The following PCSK5 variants were observed in gnomAD, a reference collection of about 807,000 sequenced individuals.
The protein encoded by PCSK5 is prohormone convertase 5.
Under a neutral mutation model 233.2 loss-of-function variants are expected in PCSK5, and 129 were observed. The ratio of observed to expected loss-of-function variants is 0.55; its 90% CI spans 0.48 to 0.64. PCSK5 has a LOEUF of 0.64. PCSK5 is among the 30% of genes least tolerant of loss of function. The pLI is 0.00. For missense variants in PCSK5, 2,076 were observed against 2,430.1 expected, an observed-to-expected ratio of 0.85 and a Z score of 3.06; for synonymous variants, 825 against 879.2, an observed-to-expected ratio of 0.94 and a Z score of 1.09.
chr9:76,309,017 A>G (rs966005238), intron 29 of PCSK5, among the ~76,000 whole-genome samples: 3 of 152,166 alleles, frequency 2.0e-5, no homozygotes, highest in Non-Finnish European at 4.4e-5. Flanking sequence ...CAGGAGTTTG[A>G]GATCAGCCTG....
chr9:76,281,562 A>G (rs780988503), intron 24 of PCSK5, among the ~76,000 whole-genome samples: 2 of 152,340 alleles, frequency 1.3e-5, no homozygotes, highest in African/African-American at 4.8e-5. Flanking sequence ...AAGAGTTCCA[A>G]TGGAGATGTG....
chr9:76,269,317 A>C (rs1037651430), intron 24 of PCSK5, among the ~76,000 whole-genome samples: 20 of 152,206 alleles, frequency 1.3e-4, no homozygotes, highest in African/African-American at 4.6e-4. Context: ...AGAACCATTC[A>C]GCAATTGACA....
At chr9:76,061,640 ATAAT>A (rs952728992) in intron 5 of PCSK5, among the ~76,000 whole-genome samples, 2 of 152,204 alleles carry the variant, frequency 1.3e-5, no homozygotes, top group African/African-American at 4.8e-5. Context: ...TCCAAAATAA[ATAAT>A]TTTTCTTTTA....
At chr9:76,256,855 C>G (rs948649795) in intron 24 of PCSK5, among the ~76,000 whole-genome samples, 4 of 152,138 alleles carry the variant, frequency 2.6e-5, no homozygotes, top group South Asian at 2.1e-4. Flanking sequence ...CTTGGGCAAG[C>G]CCTTTACATT....
intron 8 of PCSK5, 126 bp downstream of exon 8, chr9:76,096,228 G>A (rs1831508792): frequency 1.6e-6 from 1 of 634,510 alleles, no homozygotes; most frequent in Non-Finnish European, 2.7e-6. Flanking sequence ...AGTAATATAT[G>A]GAAATAGGAA....
chr9:76,320,390 A>G lies in PCSK5; in HGVS notation c.3885-1032A>G, dbSNP rs1411622508. Among the ~76,000 whole-genome samples the G allele has an allele frequency of 2.1e-5, 3 of 143,532 alleles. No homozygotes were observed. The Admixed American group carries it at 2.1e-4, about 10-fold the overall frequency. The allele number at this position is 143,532 out of a possible 152,430, so 94.2% of individuals were successfully genotyped here. A position where few individuals can be genotyped will look rare whatever the true frequency, so the allele number is the denominator to read the frequency against. On this transcript the variant is annotated intron_variant, in intron 30 of 37. Coordinates refer to ENST00000674117, the MANE Select transcript of PCSK5 (RefSeq NM_001372043.1). Reference sequence around the variant, plus strand: ...GGTTGTGGTGAGCCAAGATCGTGCCATGCACTCCAGCCTGGGTGACACAGC... The same window carrying G: ...GGTTGTGGTGAGCCAAGATCGTGCCGTGCACTCCAGCCTGGGTGACACAGC...
At chr9:76,210,429 A>C (rs1230491750) in intron 20 of PCSK5, among the ~76,000 whole-genome samples, 1 of 152,180 alleles carries the variant, frequency 6.6e-6, no homozygotes, top group Non-Finnish European at 1.5e-5. Flanking sequence ...CTGACAGAGC[A>C]CAGGCCTCAA....
At chr9:76,292,363 G>A (rs1828305041) in intron 25 of PCSK5, 88 bp downstream of exon 25, 1 of 860,050 alleles carries the variant, frequency 1.2e-6, no homozygotes, top group African/African-American at 1.7e-5. Flanking sequence ...TTAAAGCAAA[G>A]TGGCCCTGCA....
At chr9:76,173,333 G>T (rs758253143) in intron 13 of PCSK5, among the ~76,000 whole-genome samples, 6 of 151,996 alleles carry the variant, frequency 3.9e-5, no homozygotes, top group Non-Finnish European at 7.4e-5. Flanking sequence ...ACCTTGTCTG[G>T]ATTCTATGCA....
intron 7 of PCSK5, 72 bp from the exon 8 acceptor site, chr9:76,095,818 G>T (rs1831485661): frequency 7.3e-7 from 1 of 1,365,490 alleles, no homozygotes. Flanking sequence ...ACTCAGTTTG[G>T]CTCAGTGGAT....
At chr9:75,994,376 T>C (rs1826904407) in intron 3 of PCSK5, among the ~76,000 whole-genome samples, 1 of 144,388 alleles carries the variant, frequency 6.9e-6, no homozygotes, top group East Asian at 2.1e-4. Flanking sequence ...AACCTCCCAG[T>C]TTCTTTCTTT....
rs181377066 is a variant in PCSK5 at position 75,944,409 on chromosome 9, A to G, written c.297+11926A>G. 5.7e-3 allele frequency among the ~76,000 whole-genome samples: 873 copies of G among 152,188 alleles called. 2 individuals carry two copies. The highest frequency in any genetic ancestry group is 6.0e-3 in the Non-Finnish European group (407 of 67,994). Reference sequence around the variant, plus strand: ...CCACAGTGCCTGATTTTTAAAAACGATAGTAAAATTGCTTTTGTTGAAATA... The same window carrying G: ...CCACAGTGCCTGATTTTTAAAAACGGTAGTAAAATTGCTTTTGTTGAAATA... On this transcript the variant is annotated intron_variant, in intron 2 of 37. Transcript: ENST00000674117.
At chr9:76,203,589 A>C (rs2131273325) in intron 20 of PCSK5, among the ~76,000 whole-genome samples, 1 of 152,080 alleles carries the variant, frequency 6.6e-6, no homozygotes, top group Middle Eastern at 3.4e-3. Context: ...AGCCTCCAGA[A>C]AGAATGCAGC....
chr9:75,934,991 C>T (rs1823986007), intron 2 of PCSK5, among the ~76,000 whole-genome samples: 1 of 152,130 alleles, frequency 6.6e-6, no homozygotes. Context: ...CCTAGATTCC[C>T]CAAATGTTAA....
intron 5 of PCSK5, among the ~76,000 whole-genome samples, chr9:76,065,258 A>G (rs1482488448): frequency 1.3e-5 from 2 of 151,994 alleles, no homozygotes; most frequent in Admixed American, 1.3e-4. Flanking sequence ...TTACATTCCC[A>G]CCAGCAGTGT....
intron 10 of PCSK5, among the ~76,000 whole-genome samples, chr9:76,151,638 G>A (rs1823676656): frequency 6.6e-6 from 1 of 152,174 alleles, no homozygotes; most frequent in South Asian, 2.1e-4. Flanking sequence ...ATGCATGAAA[G>A]CACAATCCAA....
At chr9:76,138,149 C>T (rs1268515491) in intron 10 of PCSK5, among the ~76,000 whole-genome samples, 1 of 152,068 alleles carries the variant, frequency 6.6e-6, no homozygotes, top group Non-Finnish European at 1.5e-5. Context: ...GGGGAAGAAA[C>T]GTCAGGGACA....
chr9:75,943,561 G>T (rs1291181867), intron 2 of PCSK5, among the ~76,000 whole-genome samples: 2 of 152,060 alleles, frequency 1.3e-5, no homozygotes, highest in East Asian at 3.9e-4. Context: ...TGTATACTGA[G>T]TTCTTCCAAT....
At chr9:76,259,456 T>TACACACACACAC (rs10592376) in intron 24 of PCSK5, among the ~76,000 whole-genome samples, 18 of 148,678 alleles carry the variant, frequency 1.2e-4, no homozygotes, top group Non-Finnish European at 2.2e-4. Flanking sequence ...CTGTCTACAC[T>TACACACACACAC]ACACACACAC....
Sources: allele counts gnomAD v4.1 joint callset (sites outside exome capture counted in the v4.1 genomes callset), GRCh38; gene constraint gnomAD v4.1.1; transcripts MANE v1.5; gene names NCBI Gene and HGNC (gene_info 2026-07-23, HGNC 2026-07-21).